Variants in LRRD1 observed in about 807,000 individuals in gnomAD.
LRRD1 encodes leucine rich repeats and death domain containing 1, also known as leucine-rich repeat and death domain-containing protein 1.
Under a neutral mutation model 69.5 loss-of-function variants are expected in LRRD1, and 49 were observed. The ratio of observed to expected loss-of-function variants is 0.70; its 90% confidence interval spans 0.56 to 0.89. The LOEUF is 0.89. Among genes scored for constraint, LRRD1 ranks in the 40% least tolerant of loss-of-function variants. LRRD1 has a pLI of 0.00. For synonymous variants in LRRD1, 303 were observed against 338.9 expected (o/e 0.89, Z 1.16); for missense variants, 853 against 956.0 (o/e 0.89, Z 1.42).
At chr7:92,170,069 GA>G (rs34392041) in intron 1 of LRRD1, among the ~76,000 whole-genome samples, 2 of 137,942 alleles carry the variant, frequency 1.4e-5, no homozygotes, top group Non-Finnish European at 1.5e-5. Context: ...ATGAGACCTT[GA>G]AAAAAAAAAG....
chr7:92,144,803 G>T, downstream of LRRD1: 4 of 757,902 alleles, frequency 5.3e-6, no homozygotes, highest in Non-Finnish European at 7.9e-6. Flanking sequence ...TCTCTTGTAT[G>T]ATAAAGTGAA....
At chr7:92,158,860 T>C (rs1788735912) in intron 3 of LRRD1, 145 bp downstream of exon 3, 1 of 596,096 alleles carries the variant, frequency 1.7e-6, no homozygotes, top group Non-Finnish European at 2.8e-6. Context: ...TCATTTTCTG[T>C]ACCTAGGACA....
At chr7:92,154,364 C>T (rs1178986444) in intron 3 of LRRD1, among the ~76,000 whole-genome samples, 1 of 152,076 alleles carries the variant, frequency 6.6e-6, no homozygotes, top group Admixed American at 6.6e-5. Flanking sequence ...CTCAGCCTCT[C>T]AAGCAGCTGG....
intron 2 of LRRD1, among the ~76,000 whole-genome samples, chr7:92,162,199 C>T (rs1011178786): frequency 6.6e-6 from 1 of 152,150 alleles, no homozygotes; most frequent in African/African-American, 2.4e-5. Flanking sequence ...TAGTATATGA[C>T]AGCTGTTATG....
At chr7:92,174,480 TATATATATATATATATATATATATATA>T (rs1789123330) in intron 1 of LRRD1, among the ~76,000 whole-genome samples, 1 of 13,692 alleles carries the variant, frequency 7.3e-5, no homozygotes, top group East Asian at 1.1e-3. Context: ...AATATATATA[TATATATATATATATATATATATATATA>T]TATTTTTTTT....
intron 1 of LRRD1, among the ~76,000 whole-genome samples, chr7:92,169,716 C>T (rs1789007272): frequency 6.6e-6 from 1 of 151,806 alleles, no homozygotes; most frequent in South Asian, 2.1e-4. Flanking sequence ...AGGCTCTCAA[C>T]AGTAGAACAG....
chr7:92,170,600 G>C (rs2131019372), intron 1 of LRRD1, among the ~76,000 whole-genome samples: 1 of 152,266 alleles, frequency 6.6e-6, no homozygotes, highest in Admixed American at 6.5e-5. Context: ...AATAATAGTA[G>C]GGAATTTCAA....
Position 92,150,512 on chromosome 7 carries a change from TAGTC to T in LRRD1, c.2278+18_2278+21del. The T allele has an allele frequency of 1.4e-6, 2 of 1,464,744 alleles. No homozygotes were observed. The highest frequency in any genetic ancestry group is 1.8e-6 in the Non-Finnish European group (2 of 1,104,474). The allele number at this position is 1,464,744 out of a possible 1,614,324, so 90.7% of individuals were successfully genotyped here. On this transcript the variant is annotated intron_variant, in intron 4 of 5. Coordinates refer to ENST00000458448, the MANE Select transcript of LRRD1 (RefSeq NM_001161528.2). ...AATAAAAAAGAAATGACTTGTTAGATAGTCAATCACTCATCACCTACCATCTCTT... is the reference window on the plus strand; with the variant it reads ...AATAAAAAAGAAATGACTTGTTAGATAATCACTCATCACCTACCATCTCTT...
At chr7:92,156,342 A>G (rs1271424337) in intron 3 of LRRD1, among the ~76,000 whole-genome samples, 1 of 152,216 alleles carries the variant, frequency 6.6e-6, no homozygotes, top group African/African-American at 2.4e-5. Context: ...GTTTTCTGAA[A>G]CAAAAAACTC....
chr7:92,164,348 G>A lies in LRRD1; in HGVS notation c.855C>T (p.Leu285=), dbSNP rs1788855771. 1.3e-6 allele frequency: 2 copies of A among 1,550,092 alleles called. No individual in the cohort carries two copies. Among genetic ancestry groups the A allele is most frequent in the African/African-American group, 2.7e-5 (2 of 72,964 alleles). ...TLPSLKTLRV[L]NLEYNQLTTF... ...TTGTTAACTGATTATATTCCAAATT[G>A]AGAACCCTCAAGGTTTTTAAACTAG... Residue 285 remains leucine (L), a synonymous_variant, in exon 2 of 6, where the codon CTC becomes CTT. Coordinates refer to ENST00000458448, the MANE Select transcript of LRRD1 (RefSeq NM_001161528.2).
intron 1 of LRRD1, among the ~76,000 whole-genome samples, chr7:92,169,166 G>A (rs1381050031): frequency 2.0e-5 from 3 of 152,014 alleles, no homozygotes; most frequent in East Asian, 1.9e-4. Context: ...TGATCTGCCC[G>A]TCTCGGCCTC....
intron 4 of LRRD1, among the ~76,000 whole-genome samples, chr7:92,149,044 G>A (rs905676470): frequency 7.0e-5 from 7 of 99,442 alleles, no homozygotes; most frequent in African/African-American, 4.2e-4. Flanking sequence ...ACCACACCTG[G>A]CCAAAAATCC....
intron 1 of LRRD1, among the ~76,000 whole-genome samples, chr7:92,168,691 G>A (rs1788981838): frequency 6.7e-6 from 1 of 149,670 alleles, no homozygotes; most frequent in Non-Finnish European, 1.5e-5. Flanking sequence ...GAATCAACAA[G>A]TAAATTACAA....
intron 4 of LRRD1, among the ~76,000 whole-genome samples, chr7:92,146,972 T>A (rs1820343257): frequency 6.6e-6 from 1 of 151,608 alleles, no homozygotes; most frequent in African/African-American, 2.4e-5. Flanking sequence ...AATTATGAAC[T>A]GAAATTTGAA....
intron 1 of LRRD1, among the ~76,000 whole-genome samples, chr7:92,171,665 A>G (rs1217045974): frequency 1.3e-5 from 2 of 152,220 alleles, no homozygotes; most frequent in East Asian, 1.9e-4. Flanking sequence ...TCCCAAACTC[A>G]TTCTACGAGG....
chr7:92,153,430 TTTA>T (rs1222452160), intron 3 of LRRD1, among the ~76,000 whole-genome samples: 4 of 152,164 alleles, frequency 2.6e-5, no homozygotes, highest in Non-Finnish European at 5.9e-5. Flanking sequence ...TATACCAATT[TTTA>T]TTAAGTTGTT....
Position 92,163,362 on chromosome 7 carries a change from A to C in LRRD1, c.1841T>G (p.Phe614Cys). The part of the protein sequence containing the change: ...IQKLNFSSNQ[F>C]IHFPIELCQL... ...GCACAGTTCAATAGGAAAATGTATA[A>C]ATTGATTGCTTGAGAAGTTTAATTT... is the stretch of plus-strand genomic sequence containing the variant. The change falls in exon 2 of 6, where the codon TTT (phenylalanine) becomes TGT (cysteine). Residue 614 changes from phenylalanine to cysteine, a missense_variant. Around this residue, in one of 3 missense-constraint regions of LRRD1, gnomAD observed 739 missense variants for 808.0 expected, o/e 0.91. Transcript: ENST00000458448. 1.3e-6 allele frequency: 2 copies of C among 1,544,116 alleles called. No individual in the cohort carries two copies. The highest frequency in any genetic ancestry group is 2.4e-5 in the South Asian group (2 of 83,058).
At position 92,153,993 on chromosome 7, in the gene LRRD1, C is replaced by T. The variant is rs1239161696; in HGVS notation, c.2117-3298G>A. ...CTGGGATTACAGGCGCCTGCCACCA[C>T]GCCTGGCTAATTTTTTGTATTTTTA... On this transcript the variant is annotated intron_variant, in intron 3 of 5. Transcript: ENST00000458448. 2.6e-5 allele frequency among the ~76,000 whole-genome samples: 4 copies of T among 151,582 alleles called. No individual in the cohort carries two copies. The East Asian group carries it at 6.0e-4, about 23-fold the overall frequency.
rs374253376 is a variant in LRRD1 at position 92,162,135 on chromosome 7, T to C, written c.1917+1151A>G. Among the ~76,000 whole-genome samples, 10 of 152,362 alleles carry C rather than the reference T, an allele frequency of 6.6e-5. No individual in the cohort carries two copies. In the South Asian group the frequency reaches 2.1e-3, roughly 32 times the overall value. On this transcript the variant is annotated intron_variant, in intron 2 of 5. Coordinates refer to ENST00000458448, the MANE Select transcript of LRRD1 (RefSeq NM_001161528.2). Reference sequence around the variant, plus strand: ...ACTTTTTAAATACAAGCTGTATCATTATTCATTCCATCTGCTTAAGCAAGT... The same window carrying C: ...ACTTTTTAAATACAAGCTGTATCATCATTCATTCCATCTGCTTAAGCAAGT...
Sources: gnomAD v4.1 joint callset for allele counts (sites outside exome capture counted in the v4.1 genomes callset) on GRCh38, gnomAD v4.1.1 for gene constraint, gnomAD v4.1.1 regional missense constraint, MANE v1.5 for transcripts, NCBI Gene and HGNC (gene_info 2026-07-23, HGNC 2026-07-21) for gene names.